The following TMEM178B variants were observed in gnomAD, a reference collection of about 807,000 sequenced individuals.
TMEM178B encodes transmembrane protein 178B.
A neutral mutation model predicts 31.0 loss-of-function variants in TMEM178B; 5 were observed. That is an observed-to-expected ratio of 0.16 (90% CI 0.08 to 0.34). The LOEUF (loss-of-function observed/expected upper bound fraction) is 0.34, where lower values mean the gene tolerates loss of function less well. Among genes scored for constraint, TMEM178B ranks in the 10% least tolerant of loss-of-function variants. The pLI is 1.00. For missense variants in TMEM178B, 275 were observed against 400.3 expected, an observed-to-expected ratio of 0.69 and a Z score of 2.67; for synonymous variants, 164 against 164.0, an observed-to-expected ratio of 1.00 and a Z score of 0.00.
chr7:141,148,340 T>G (rs766247243), intron 1 of TMEM178B, among the ~76,000 whole-genome samples: 13 of 152,204 alleles, frequency 8.5e-5, no homozygotes, highest in Non-Finnish European at 1.9e-4. Context: ...GTTCCAGCGA[T>G]TAGGATGTGA....
At chr7:141,096,092 C>T (rs1029822923) in intron 1 of TMEM178B, among the ~76,000 whole-genome samples, 1 of 152,226 alleles carries the variant, frequency 6.6e-6, no homozygotes, top group African/African-American at 2.4e-5. Flanking sequence ...GCCTCTTGCT[C>T]TGTCTCCTCA....
the TMEM178B span, among the ~76,000 whole-genome samples, chr7:141,499,442 C>G: frequency 1.5e-5 from 2 of 134,952 alleles, no homozygotes; most frequent in African/African-American, 3.0e-5. Context: ...AGCCTGGGAA[C>G]CATAGGAAGA....
intron 1 of TMEM178B, among the ~76,000 whole-genome samples, chr7:141,181,704 G>A (rs1484378425): frequency 6.6e-6 from 1 of 152,216 alleles, no homozygotes; most frequent in Non-Finnish European, 1.5e-5. Context: ...AGGACCAGGA[G>A]AGCCACAGCC....
intron 1 of TMEM178B, among the ~76,000 whole-genome samples, chr7:141,151,190 A>G (rs1400543856): frequency 1.3e-5 from 2 of 152,204 alleles, no homozygotes; most frequent in African/African-American, 4.8e-5. Flanking sequence ...TTGAGTGTAC[A>G]GCATCCCTGT....
intron 1 of TMEM178B, among the ~76,000 whole-genome samples, chr7:141,210,288 A>G (rs1797033324): frequency 6.6e-6 from 1 of 152,152 alleles, no homozygotes. Context: ...AACACGGAGA[A>G]ACCCCATCTC....
chr7:141,198,963 G>A (rs567666650), intron 1 of TMEM178B, among the ~76,000 whole-genome samples: 2 of 152,180 alleles, frequency 1.3e-5, no homozygotes, highest in South Asian at 2.1e-4. Flanking sequence ...ACACCAGATG[G>A]TAATCTAAAG....
At chr7:141,395,534 G>A (rs1046211870) in intron 2 of TMEM178B, among the ~76,000 whole-genome samples, 5 of 152,196 alleles carry the variant, frequency 3.3e-5, no homozygotes, top group African/African-American at 7.2e-5. Context: ...GAAGCTCAGA[G>A]GAGGAGCAGA....
chr7:141,214,295 CAT>C (rs1797097078), intron 2 of TMEM178B, among the ~76,000 whole-genome samples: 2 of 152,282 alleles, frequency 1.3e-5, no homozygotes, highest in South Asian at 4.1e-4. Context: ...AAATTATTGA[CAT>C]AGCAGCTTGA....
chr7:141,163,469 T>C (rs1053723944), intron 1 of TMEM178B, among the ~76,000 whole-genome samples: 1 of 152,068 alleles, frequency 6.6e-6, no homozygotes, highest in Non-Finnish European at 1.5e-5. Flanking sequence ...GGATCATTAA[T>C]GCAGTCTACC....
intron 2 of TMEM178B, among the ~76,000 whole-genome samples, chr7:141,243,404 A>G (rs765636741): frequency 6.6e-6 from 1 of 152,122 alleles, no homozygotes; most frequent in Non-Finnish European, 1.5e-5. Context: ...GCTCTGCTCT[A>G]TGGGGTTATG....
intron 3 of TMEM178B, among the ~76,000 whole-genome samples, chr7:141,455,883 C>T (rs542933626): frequency 6.6e-6 from 1 of 152,360 alleles, no homozygotes; most frequent in Non-Finnish European, 1.5e-5. Context: ...GCAGGCTTGC[C>T]TGATCTTTTG....
rs151213950 is a variant in TMEM178B at position 141,272,222 on chromosome 7, G to A, written c.496+59518G>A. On this transcript the variant is annotated intron_variant, in intron 2 of 3. Coordinates refer to ENST00000565468, the MANE Select transcript of TMEM178B (RefSeq NM_001195278.2). ...CATTTCCCATCTCCTGCAGTGGTTA[G>A]CATACATTCCCACATAGTGTTATGT... 2.0e-3 allele frequency among the ~76,000 whole-genome samples: 309 copies of A among 152,324 alleles called. 3 individuals carry two copies. Among genetic ancestry groups the A allele is most frequent in the African/African-American group, 7.0e-3 (289 of 41,566 alleles).
intron 2 of TMEM178B, among the ~76,000 whole-genome samples, chr7:141,218,796 A>G (rs6961301): frequency 0.8 from 120,977 of 151,806 alleles, 48,440 homozygotes; most frequent in Middle Eastern, 0.88. Flanking sequence ...ACTGGCATCA[A>G]CCTTCTCACC....
intron 3 of TMEM178B, among the ~76,000 whole-genome samples, chr7:141,453,750 A>G (rs889376950): frequency 5.3e-5 from 8 of 152,326 alleles, no homozygotes; most frequent in African/African-American, 1.9e-4. Context: ...TCCATCTATC[A>G]AAGGAAACTG....
chr7:141,385,229 C>A (rs1257348903), intron 2 of TMEM178B, among the ~76,000 whole-genome samples: 1 of 152,202 alleles, frequency 6.6e-6, no homozygotes, highest in African/African-American at 2.4e-5. Flanking sequence ...TTAATTATGG[C>A]AGCTCTTCAG....
At chr7:141,290,862 G>A (rs1798534119) in intron 2 of TMEM178B, among the ~76,000 whole-genome samples, 1 of 152,224 alleles carries the variant, frequency 6.6e-6, no homozygotes, top group Non-Finnish European at 1.5e-5. Flanking sequence ...GCTGGGAATA[G>A]TGACCACGTC....
chr7:141,507,646 C>A, the TMEM178B span, among the ~76,000 whole-genome samples: 2 of 152,246 alleles, frequency 1.3e-5, no homozygotes, highest in African/African-American at 4.8e-5. Context: ...GCTGGGATTA[C>A]AGGCATGCGC....
chr7:141,212,507 C>A, intron 1 of TMEM178B, 84 bp from the exon 2 acceptor site: 1 of 1,179,792 alleles, frequency 8.5e-7, no homozygotes, highest in Non-Finnish European at 1.2e-6. Flanking sequence ...GTCTTCTTCT[C>A]CAGGATGGAA....
intron 2 of TMEM178B, among the ~76,000 whole-genome samples, chr7:141,322,934 G>A (rs561796240): frequency 2.0e-5 from 3 of 152,116 alleles, no homozygotes; most frequent in Non-Finnish European, 4.4e-5. Flanking sequence ...GGCTATTAAC[G>A]TGCTTTCTCT....
Sources: allele counts gnomAD v4.1 joint callset (sites outside exome capture counted in the v4.1 genomes callset), GRCh38; gene constraint gnomAD v4.1.1; transcripts MANE v1.5; gene names NCBI Gene and HGNC (gene_info 2026-07-23, HGNC 2026-07-21).